Variants in DNM2 observed in about 807,000 individuals in gnomAD.
The protein encoded by DNM2 is dynamin 2, also known as dynamin-2.
DNM2 carries 15 observed loss-of-function variants against 99.0 expected under a neutral mutation model. That is an observed-to-expected ratio of 0.15 (90% CI 0.10 to 0.23). DNM2 has a LOEUF of 0.23. Among genes scored for constraint, DNM2 ranks in the 10% least tolerant of loss-of-function variants. The pLI is 1.00. For missense variants in DNM2, 742 were observed against 1,189.4 expected (o/e 0.62, Z 5.53); for synonymous variants, 525 against 481.2 (o/e 1.09, Z -1.19).
At chr19:10,729,705 AC>A (rs1392419641) in intron 1 of DNM2, among the ~76,000 whole-genome samples, 7 of 152,276 alleles carry the variant, frequency 4.6e-5, no homozygotes, top group African/African-American at 1.4e-4. Context: ...GGAAACCATT[AC>A]AGATGAGGAA....
chr19:10,730,267 A>G (rs1056095635), intron 1 of DNM2, among the ~76,000 whole-genome samples: 1 of 152,034 alleles, frequency 6.6e-6, no homozygotes, highest in Non-Finnish European at 1.5e-5. Context: ...GCTTGAGCTC[A>G]GGAGTTTGAG....
chr19:10,787,113 C>T (rs765269220), intron 7 of DNM2, among the ~76,000 whole-genome samples: 1 of 152,076 alleles, frequency 6.6e-6, no homozygotes, highest in African/African-American at 2.4e-5. Context: ...GTGGGTGGAT[C>T]ACCTGAGGTC....
In DNM2 at chr19:10,786,620, C is replaced by T. The variant is rs1314241405; in HGVS notation, c.906C>T (p.Ser302=). 2 of 1,614,060 alleles carry T rather than the reference C, an allele frequency of 1.2e-6. No individual in the cohort carries two copies. Among genetic ancestry groups the T allele is most frequent in the African/African-American group, 2.7e-5 (2 of 74,924 alleles). The change falls in exon 7 of 21, where the codon AGC becomes AGT. Residue 302 remains serine (S), a synonymous_variant. Coordinates refer to ENST00000389253, the MANE Select transcript of DNM2 (RefSeq NM_001005361.3). ...SLPALRSKLQ[S]QLLSLEKEVE... is the part of the protein sequence containing the mutation. ...CGGCCCTACGTAGCAAACTACAGAG[C>T]CAGCTGCTGTCCCTGGAGAAGGAGG... is the stretch of plus-strand genomic sequence containing the variant.
chr19:10,803,622 C>T lies in DNM2; in HGVS notation c.1493+1264C>T, dbSNP rs139679967. ...CACTCTTTCCTCTGGATTCCTGGGCCTTCCCACTTACCCCAGCTGTTACTA... is the reference window on the plus strand; with the variant it reads ...CACTCTTTCCTCTGGATTCCTGGGCTTTCCCACTTACCCCAGCTGTTACTA... On this transcript the variant is annotated intron_variant, in intron 12 of 20. Coordinates refer to ENST00000389253, the MANE Select transcript of DNM2 (RefSeq NM_001005361.3). The T allele has an allele frequency of 2.2e-3, 2,135 of 986,364 alleles. 2 individuals carry two copies. Among genetic ancestry groups the T allele is most frequent in the Admixed American group, 4.8e-3 (79 of 16,300 alleles). The allele number at this position is 986,364 out of a possible 1,614,324, so 61.1% of individuals were successfully genotyped here.
At chr19:10,790,329 G>A (rs2071709572) in intron 7 of DNM2, among the ~76,000 whole-genome samples, 2 of 151,938 alleles carry the variant, frequency 1.3e-5, no homozygotes, top group African/African-American at 2.4e-5. Context: ...GGCCTTAACC[G>A]ATGCTTGTAA....
chr19:10,805,850 C>T, intron 12 of DNM2, 66 bp from the exon 13 acceptor site: 7 of 1,607,094 alleles, frequency 4.4e-6, no homozygotes, highest in Admixed American at 3.3e-5. Context: ...CGGCCACATT[C>T]GCCTCTTCCC....
At position 10,777,118 on chromosome 19, in the gene DNM2, G is replaced by C; in HGVS notation, c.590G>C (p.Gly197Ala). 6.2e-7 allele frequency: 1 copy of C among 1,614,146 alleles called. No individual in the cohort carries two copies. The highest frequency in any genetic ancestry group is 8.5e-7 in the Non-Finnish European group (1 of 1,180,012). Residue 197 changes from glycine (G) to alanine (A), a missense_variant and splice_region_variant, in exon 5 of 21, where the codon GGC becomes GCC. This residue lies in a region of DNM2 where 192 missense variants were observed against 358.9 expected (regional missense o/e 0.54). Transcript: ENST00000389253. ...LKLAKEVDPQ[G>A]LRTIGVITKL... ...ACCTCTGACCTCTGGGCTCTTTCAG[G>C]CCTACGGACCATCGGTGTCATCACC...
chr19:10,720,093 T>TG, intron 1 of DNM2, among the ~76,000 whole-genome samples: 1 of 104,266 alleles, frequency 9.6e-6, no homozygotes, highest in African/African-American at 3.6e-5. Context: ...GGGACGGGGG[T>TG]GGGGGGTGTT....
intron 1 of DNM2, among the ~76,000 whole-genome samples, chr19:10,758,327 C>T (rs867849229): frequency 0.16 from 2,034 of 13,014 alleles, 18 homozygotes; most frequent in South Asian, 0.27. Flanking sequence ...CCTTCCCTCC[C>T]TCCTTCCTTC....
rs568872946 is a variant in DNM2, at chr19:10,741,886, C to T, written c.162-17852C>T. On this transcript the variant is annotated intron_variant, in intron 1 of 20. Coordinates refer to ENST00000389253, the MANE Select transcript of DNM2 (RefSeq NM_001005361.3). ...TTGTTCTGTGCTTTTTCCTTCCTCC[C>T]TCCCTTCCTCTTTACCTTCCTCTTT... 6.2e-4 allele frequency among the ~76,000 whole-genome samples: 94 copies of T among 151,546 alleles called. 1 individual carries two copies. Among genetic ancestry groups the T allele is most frequent in the African/African-American group, 1.8e-3 (73 of 41,036 alleles).
Position 10,818,846 on chromosome 19 carries a change from C to T in DNM2, c.1672-1134C>T, listed in dbSNP as rs537647206. 6.6e-5 allele frequency among the ~76,000 whole-genome samples: 10 copies of T among 152,270 alleles called. No homozygotes were observed. In the South Asian group the frequency reaches 1.4e-3, roughly 22 times the overall value. On this transcript the variant is annotated intron_variant, in intron 15 of 20. Transcript: ENST00000389253. The surrounding 1 kb of genome is among the most constrained non-coding windows in gnomAD (Gnocchi z 4.3). ...GCCTCTGAAGTCCTGCTGTGGCTTG[C>T]GCTGCCTGCCGTGTGGCCTTCGGCA...
intron 5 of DNM2, among the ~76,000 whole-genome samples, chr19:10,779,739 G>T (rs1470907945): frequency 1.3e-5 from 2 of 151,792 alleles, no homozygotes; most frequent in African/African-American, 4.8e-5. Context: ...AGGCTGGAGT[G>T]CAGGGGCACA....
At position 10,765,759 on chromosome 19, in the gene DNM2, G is replaced by A. The variant is rs941513926; in HGVS notation, c.235+5948G>A. On this transcript the variant is annotated intron_variant, in intron 2 of 20. Transcript: ENST00000389253. The surrounding 1 kb of genome is among the most constrained non-coding windows in gnomAD (Gnocchi z 4.4). ...GCGTGGTAGCTAGGGTCTCCTGATG[G>A]TGGCAGATCCCCAAGTTGTTCCCCC... Among the ~76,000 whole-genome samples the A allele has an allele frequency of 3.3e-5, 5 of 152,182 alleles. No individual in the cohort carries two copies. Among genetic ancestry groups the A allele is most frequent in the Non-Finnish European group, 7.3e-5 (5 of 68,032 alleles).
At position 10,831,560 on chromosome 19, in the gene DNM2, T is replaced by G. The variant is rs918769725; in HGVS notation, c.*513T>G. The G allele has an allele frequency of 1.0e-6, 1 of 986,102 alleles. No individual in the cohort carries two copies. The highest frequency in any genetic ancestry group is 4.7e-5 in the South Asian group (1 of 21,312). 61.1% of individuals were successfully genotyped at this position (986,102 alleles called of 1,614,324 possible). ...GCTGGCAGGCCTGAGGTGTACATAG[T>G]CCTTCCCGGCCATATTAACCACACA... On this transcript the variant is annotated 3_prime_UTR_variant, in exon 21 of 21. Transcript: ENST00000389253. This position sits in a 1 kb window ranked among gnomAD's most constrained non-coding sequence, Gnocchi z 4.3.
Position 10,764,795 on chromosome 19 carries a change from G to C in DNM2, c.235+4984G>C, listed in dbSNP as rs796572379. ...ATCTCCCTCCTGATTCTCAGGCCCA[G>C]CTTGCTGGTTCCCACTGCTTGGCCT... On this transcript the variant is annotated intron_variant, in intron 2 of 20. Coordinates refer to ENST00000389253, the MANE Select transcript of DNM2 (RefSeq NM_001005361.3). This position sits in a 1 kb window ranked among gnomAD's most constrained non-coding sequence, Gnocchi z 4.1. 3.3e-5 allele frequency among the ~76,000 whole-genome samples: 5 copies of C among 152,218 alleles called. No individual in the cohort carries two copies. The highest frequency in any genetic ancestry group is 1.2e-4 in the African/African-American group (5 of 41,518).
intron 1 of DNM2, among the ~76,000 whole-genome samples, chr19:10,724,315 T>C (rs927739441): frequency 1.3e-5 from 2 of 152,118 alleles, no homozygotes; most frequent in Admixed American, 6.6e-5. Context: ...GTAGCTGGGA[T>C]TACAGGCGCC....
At chr19:10,792,735 T>A (rs1046334726) in intron 7 of DNM2, among the ~76,000 whole-genome samples, 1 of 151,890 alleles carries the variant, frequency 6.6e-6, no homozygotes, top group Admixed American at 6.6e-5. Flanking sequence ...AGCCTCCCGA[T>A]TAACTGGGAC....
chr19:10,723,412 C>T lies in DNM2; in HGVS notation c.161+5009C>T, dbSNP rs564603402. On this transcript the variant is annotated intron_variant, in intron 1 of 20. Coordinates refer to ENST00000389253, the MANE Select transcript of DNM2 (RefSeq NM_001005361.3). Reference sequence around the variant, plus strand: ...CCTCCCAAAGTGCTGGGATTACAGGCGTGAGCCACCGTGCCCGGCTAATTT... The same window carrying T: ...CCTCCCAAAGTGCTGGGATTACAGGTGTGAGCCACCGTGCCCGGCTAATTT... 2.0e-5 allele frequency among the ~76,000 whole-genome samples: 3 copies of T among 152,120 alleles called. No homozygotes were observed. The South Asian group carries it at 6.2e-4, about 32-fold the overall frequency.
intron 1 of DNM2, among the ~76,000 whole-genome samples, chr19:10,753,355 TACA>T (rs2070265817): frequency 6.6e-6 from 1 of 151,752 alleles, no homozygotes; most frequent in Non-Finnish European, 1.5e-5. Flanking sequence ...AGTCACAAAG[TACA>T]GACTTTCTTC....
Sources: allele counts gnomAD v4.1 joint callset (sites outside exome capture counted in the v4.1 genomes callset), GRCh38; gene constraint gnomAD v4.1.1; regional missense constraint gnomAD v4.1.1; non-coding constraint Gnocchi (gnomAD v3.1); transcripts MANE v1.5; gene names NCBI Gene and HGNC (gene_info 2026-07-23, HGNC 2026-07-21).